The following RBFOX1 variants were observed in gnomAD, a reference collection of about 807,000 sequenced individuals.
RBFOX1 encodes the protein RNA binding fox-1 homolog 1.
RBFOX1 carries 8 observed loss-of-function variants against 57.7 expected under a neutral mutation model. The observed-to-expected ratio is 0.14, with a 90% CI of 0.08 to 0.25. RBFOX1 has a LOEUF of 0.25. Among genes scored for constraint, RBFOX1 ranks in the 10% least tolerant of loss-of-function variants. RBFOX1 has a pLI of 1.00. For missense variants in RBFOX1, 611 were observed against 548.5 expected, an observed-to-expected ratio of 1.11 and a Z score of -1.14; for synonymous variants, 326 against 222.4, an observed-to-expected ratio of 1.47 and a Z score of -4.15.
At chr16:7,145,416 A>G (rs1467204058) in intron 4 of RBFOX1, among the ~76,000 whole-genome samples, 2 of 152,136 alleles carry the variant, frequency 1.3e-5, no homozygotes, top group Non-Finnish European at 2.9e-5. Flanking sequence ...CATGTTGGCC[A>G]GTCTGGTCTT....
At chr16:6,079,267 C>T (rs1597089541) in intron 1 of RBFOX1, among the ~76,000 whole-genome samples, 1 of 152,298 alleles carries the variant, frequency 6.6e-6, no homozygotes, top group South Asian at 2.1e-4. Flanking sequence ...GATTGTGCCA[C>T]TGCACTGCAG....
At chr16:6,877,729 T>A (rs555148421) in intron 3 of RBFOX1, among the ~76,000 whole-genome samples, 36 of 152,312 alleles carry the variant, frequency 2.4e-4, no homozygotes, top group Admixed American at 5.2e-4. Flanking sequence ...AAGTTTCCAA[T>A]ATAGTAAGAA....
chr16:5,802,576 T>C (rs2055095948), intron 3 of RBFOX1, among the ~76,000 whole-genome samples: 1 of 152,116 alleles, frequency 6.6e-6, no homozygotes. Flanking sequence ...GGAGAAAGTT[T>C]TCAGATCTTT....
intron 3 of RBFOX1, among the ~76,000 whole-genome samples, chr16:5,820,228 C>A (rs2055794524): frequency 1.3e-5 from 2 of 152,354 alleles, no homozygotes; most frequent in East Asian, 1.9e-4. Context: ...CATAGCCTGA[C>A]TGCAAAGTTC....
intron 3 of RBFOX1, among the ~76,000 whole-genome samples, chr16:7,027,173 T>G (rs1443215805): frequency 1.3e-5 from 2 of 152,140 alleles, no homozygotes; most frequent in African/African-American, 4.8e-5. Context: ...ACTGAGTGTT[T>G]CCTGAAGGCA....
At chr16:7,034,096 A>G (rs970597791) in intron 3 of RBFOX1, among the ~76,000 whole-genome samples, 1 of 152,196 alleles carries the variant, frequency 6.6e-6, no homozygotes, top group Non-Finnish European at 1.5e-5. Flanking sequence ...TGTCCATGCC[A>G]TGGCTTAAGT....
chr16:7,225,919 T>TATATATATATATATATATATA (rs1315130232), intron 4 of RBFOX1, among the ~76,000 whole-genome samples: 1 of 142,138 alleles, frequency 7.0e-6, no homozygotes, highest in African/African-American at 2.7e-5. Flanking sequence ...TATATATATA[T>TATATATATATATATATATATA]AAATGTGAAT....
At chr16:5,574,993 C>T (rs1044302757) in intron 2 of RBFOX1, among the ~76,000 whole-genome samples, 5 of 152,134 alleles carry the variant, frequency 3.3e-5, no homozygotes, top group Non-Finnish European at 7.4e-5. Context: ...GGCCTTGTCC[C>T]CTGGCTAACC....
chr16:6,925,669 T>C (rs1455004725), intron 3 of RBFOX1, among the ~76,000 whole-genome samples: 1 of 152,024 alleles, frequency 6.6e-6, no homozygotes. Flanking sequence ...GGGCCTGGAA[T>C]GCGTTAACAG....
At chr16:6,712,941 C>T (rs147654888) in intron 3 of RBFOX1, among the ~76,000 whole-genome samples, 63 of 112,812 alleles carry the variant, frequency 5.6e-4, no homozygotes, top group African/African-American at 1.8e-3. Context: ...GAATAACTCT[C>T]ATGGGATCTG....
chr16:6,295,708 A>G (rs2078022584), intron 1 of RBFOX1, among the ~76,000 whole-genome samples: 1 of 152,174 alleles, frequency 6.6e-6, no homozygotes, highest in African/African-American at 2.4e-5. Flanking sequence ...TGAAGGTACC[A>G]TTACCTGCAG....
chr16:5,814,598 T>C (rs1309658056), intron 3 of RBFOX1, among the ~76,000 whole-genome samples: 1 of 152,190 alleles, frequency 6.6e-6, no homozygotes, highest in African/African-American at 2.4e-5. Flanking sequence ...GCCTATCTTC[T>C]CATCCACTTG....
intron 4 of RBFOX1, among the ~76,000 whole-genome samples, chr16:7,135,188 G>C (rs1301555945): frequency 6.6e-6 from 1 of 152,140 alleles, no homozygotes; most frequent in Non-Finnish European, 1.5e-5. Flanking sequence ...TGTTTCCTCA[G>C]TGTATTTCAT....
At chr16:5,929,156 T>A (rs2058996316) in intron 4 of RBFOX1, among the ~76,000 whole-genome samples, 1 of 152,132 alleles carries the variant, frequency 6.6e-6, no homozygotes, top group South Asian at 2.1e-4. Flanking sequence ...GGCAGTAGTC[T>A]TGGGAAGCGG....
At chr16:5,791,596 C>G (rs1366714315) in intron 3 of RBFOX1, among the ~76,000 whole-genome samples, 1 of 152,080 alleles carries the variant, frequency 6.6e-6, no homozygotes, top group Admixed American at 6.5e-5. Flanking sequence ...GTTCCAGGAA[C>G]AAGGGGTCTT....
chr16:6,996,758 A>C (rs1335627892), intron 3 of RBFOX1, among the ~76,000 whole-genome samples: 1 of 152,138 alleles, frequency 6.6e-6, no homozygotes, highest in Non-Finnish European at 1.5e-5. Context: ...ACTTTTCTAC[A>C]TGTCAGATAG....
intron 5 of RBFOX1, among the ~76,000 whole-genome samples, chr16:7,541,252 A>G (rs1202215177): frequency 1.3e-5 from 2 of 152,246 alleles, no homozygotes; most frequent in East Asian, 1.9e-4. Context: ...CACAAGGTGC[A>G]TTCCCTCAGA....
At chr16:7,578,214 C>G (rs1160735874) in intron 5 of RBFOX1, among the ~76,000 whole-genome samples, 1 of 152,198 alleles carries the variant, frequency 6.6e-6, no homozygotes, top group African/African-American at 2.4e-5. Flanking sequence ...TAATCAATCA[C>G]AAAGCCTCAA....
At chr16:7,483,075 A>T (rs950483819) in intron 4 of RBFOX1, among the ~76,000 whole-genome samples, 1 of 152,092 alleles carries the variant, frequency 6.6e-6, no homozygotes, top group Non-Finnish European at 1.5e-5. Flanking sequence ...TCGTCACTAA[A>T]AGGTGCTACC....
Sources: gnomAD v4.1 joint callset for allele counts (sites outside exome capture counted in the v4.1 genomes callset) on GRCh38, gnomAD v4.1.1 for gene constraint, MANE v1.5 for transcripts, NCBI Gene and HGNC (gene_info 2026-07-23, HGNC 2026-07-21) for gene names.